ACADM: variants seen among roughly 807,000 people sequenced by gnomAD.
The protein encoded by ACADM is acyl-CoA dehydrogenase medium chain.
Under a neutral mutation model 58.9 loss-of-function variants are expected in ACADM, and 49 were observed. That is an observed-to-expected ratio of 0.83 (90% CI 0.66 to 1.06). ACADM has a LOEUF of 1.06. Among genes scored for constraint, ACADM ranks in the 50% least tolerant of loss-of-function variants. The pLI is 0.00. For missense variants in ACADM, 496 were observed against 507.0 expected (o/e 0.98, Z 0.21); for synonymous variants, 160 against 157.7 (o/e 1.01, Z -0.11).
chr1:75,744,570 G>C, intron 7 of ACADM: 1 of 1,420,668 alleles, frequency 7.0e-7, no homozygotes, highest in Non-Finnish European at 9.9e-7. Context: ...CTGTAACCAA[G>C]TCATACTTGC....
chr1:75,763,013 C>A lies in ACADM; in HGVS notation c.*250C>A, dbSNP rs975791592. On this transcript the variant is annotated 3_prime_UTR_variant, in exon 12 of 12. Transcript: ENST00000370841. Reference sequence around the variant, plus strand: ...TGAATTACATTAACCTAGAAAACTACATAGGTTATTTTGATCTCTTAAGAT... The same window carrying A: ...TGAATTACATTAACCTAGAAAACTAAATAGGTTATTTTGATCTCTTAAGAT... 1 of 301,584 alleles carries A rather than the reference C, an allele frequency of 3.3e-6. No individual in the cohort carries two copies. Among genetic ancestry groups the A allele is most frequent in the Non-Finnish European group, 6.2e-6 (1 of 161,276 alleles). 18.7% of individuals were successfully genotyped at this position (301,584 alleles called of 1,614,324 possible). A position where few individuals can be genotyped will look rare whatever the true frequency, so the allele number is the denominator to read the frequency against.
chr1:75,731,074 C>T (rs541585768), intron 2 of ACADM, among the ~76,000 whole-genome samples: 1 of 151,066 alleles, frequency 6.6e-6, no homozygotes, highest in Admixed American at 6.6e-5. Flanking sequence ...ATCACGAGGT[C>T]AGAAGATCGA....
chr1:75,735,841 CAA>C (rs11421630), intron 6 of ACADM, among the ~76,000 whole-genome samples: 7 of 133,402 alleles, frequency 5.2e-5, no homozygotes, highest in Admixed American at 7.6e-5. Context: ...GACTCTGTCT[CAA>C]AAAAAAAAAA....
Position 75,753,795 on chromosome 1 carries a change from C to CTTTTTTTTTTTTTTTTTTTTTTTTT in ACADM, c.945+3268_945+3269insTTTTTTTTTTTTTTTTTTTTTTTTT, listed in dbSNP as rs71071962. Among the ~76,000 whole-genome samples, 149 of 81,894 alleles carry CTTTTTTTTTTTTTTTTTTTTTTTTT rather than the reference C, an allele frequency of 1.8e-3. 28 individuals are homozygous for CTTTTTTTTTTTTTTTTTTTTTTTTT. Among genetic ancestry groups the CTTTTTTTTTTTTTTTTTTTTTTTTT allele is most frequent in the African/African-American group, 6.3e-3 (103 of 16,458 alleles). 53.7% of individuals were successfully genotyped at this position (81,894 alleles called of 152,430 possible). A position where few individuals can be genotyped will look rare whatever the true frequency, so the allele number is the denominator to read the frequency against. On this transcript the variant is annotated intron_variant, in intron 10 of 11. Transcript: ENST00000370841. Reference sequence around the variant, plus strand: ...GCACTCTGCAAAATGCTGATAGCTTCTTTTTTTTTTTTTTTTTTTGAGACA... The same window carrying CTTTTTTTTTTTTTTTTTTTTTTTTT: ...GCACTCTGCAAAATGCTGATAGCTTCTTTTTTTTTTTTTTTTTTTTTTTTTTTTTTTTTTTTTTTTTTTTGAGACA...
chr1:75,744,465 A>C, intron 7 of ACADM: 1 of 1,531,516 alleles, frequency 6.5e-7, no homozygotes, highest in South Asian at 1.1e-5. Context: ...TTTCAATCTC[A>C]CAAACCACTT....
At chr1:75,762,235 C>A (rs1013330308) in intron 11 of ACADM, among the ~76,000 whole-genome samples, 1 of 151,904 alleles carries the variant, frequency 6.6e-6, no homozygotes, top group African/African-American at 2.4e-5. Flanking sequence ...GAAATAAGGT[C>A]TGACTCTTGA....
intron 7 of ACADM, chr1:75,745,531 A>G (rs995245102): frequency 3.4e-6 from 1 of 295,186 alleles, no homozygotes; most frequent in African/African-American, 8.2e-5. Context: ...TCAAAATATC[A>G]TATATACTGT....
Position 75,745,838 on chromosome 1 carries a change from C to CT in ACADM, c.633dup (p.Lys212Ter). The stretch of plus-strand genomic sequence containing the variant: ...TTATTGGCACGTTCTGATCCAGATC[C>CT]TAAAGCTCCTGCTAATAAAGCCTTT... On this transcript the variant is annotated frameshift_variant, in exon 8 of 12. Coordinates refer to ENST00000370841, the MANE Select transcript of ACADM (RefSeq NM_000016.6). LOFTEE classifies it high-confidence loss of function. 1.2e-6 allele frequency: 2 copies of CT among 1,613,900 alleles called. No individual in the cohort carries two copies. Among genetic ancestry groups the CT allele is most frequent in the Non-Finnish European group, 1.7e-6 (2 of 1,179,906 alleles).
In ACADM at chr1:75,733,563, A is replaced by G. The variant is rs769832259; in HGVS notation, c.322A>G (p.Ile108Val). ...LGLGTFDACL[I>V]SEELAYGCTG... ...ACTTGGAACTTTTGATGCTTGTTTA[A>G]TTAGTGAAGAATTGGCTTATGGATG... The change falls in exon 5 of 12, where the codon ATT (isoleucine) becomes GTT (valine). Residue 108 changes from isoleucine (I) to valine (V), a missense_variant. Ile to Val is a conservative substitution (Grantham distance 29, BLOSUM62 3). Coordinates refer to ENST00000370841, the MANE Select transcript of ACADM (RefSeq NM_000016.6). 1.1e-5 allele frequency: 17 copies of G among 1,613,994 alleles called. No individual in the cohort carries two copies. Among genetic ancestry groups the G allele is most frequent in the Non-Finnish European group, 4.2e-6 (5 of 1,179,988 alleles).
At chr1:75,746,624 C>T (rs1647919343) in intron 8 of ACADM, among the ~76,000 whole-genome samples, 1 of 142,722 alleles carries the variant, frequency 7.0e-6, no homozygotes. Flanking sequence ...TTTGAGACAG[C>T]GTCTCGCTCT....
At chr1:75,744,933 A>C (rs1647808000) in intron 7 of ACADM, among the ~76,000 whole-genome samples, 1 of 152,176 alleles carries the variant, frequency 6.6e-6, no homozygotes. Context: ...TAATAATAAT[A>C]CTATACCAGG....
chr1:75,760,544 CAAAAAAAAAAAAAAAAAAA>C (rs59063908), intron 10 of ACADM, among the ~76,000 whole-genome samples: 36 of 35,490 alleles, frequency 1.0e-3, no homozygotes, highest in Middle Eastern at 0.038. Context: ...GACCCTGTCT[CAAAAAAAAAAAAAAAAAAA>C]AAAAAAAAAA....
At chr1:75,728,103 G>A (rs1647084279) in intron 1 of ACADM, among the ~76,000 whole-genome samples, 1 of 152,012 alleles carries the variant, frequency 6.6e-6, no homozygotes, top group Admixed American at 6.6e-5. Flanking sequence ...CCAGAATAGT[G>A]GTCCTACATC....
chr1:75,752,728 A>AT (rs1405641826), intron 10 of ACADM, among the ~76,000 whole-genome samples: 4 of 151,846 alleles, frequency 2.6e-5, no homozygotes, highest in Non-Finnish European at 5.9e-5. Context: ...TCAATTTCAG[A>AT]TTTTTTTGTT....
chr1:75,741,782 G>T lies in ACADM; in HGVS notation c.599+1672G>T, dbSNP rs796955947. On this transcript the variant is annotated intron_variant, in intron 7 of 11. Coordinates refer to ENST00000370841, the MANE Select transcript of ACADM (RefSeq NM_000016.6). ...AGAAAATAAGTTTGTGTTGTTTAGG[G>T]AAGAATATACCTTTTTAAAAGAATT... Among the ~76,000 whole-genome samples the T allele has an allele frequency of 4.7e-4, 71 of 152,292 alleles. 1 individual carries two copies. Among genetic ancestry groups the T allele is most frequent in the African/African-American group, 1.6e-3 (66 of 41,564 alleles).
At chr1:75,750,987 TC>T in intron 10 of ACADM, 1 of 252,004 alleles carries the variant, frequency 4.0e-6, no homozygotes, top group Non-Finnish European at 7.8e-6. Context: ...CGCCTCAGCC[TC>T]CCATAGTGCT....
At chr1:75,725,376 C>T (rs1647035928) in intron 1 of ACADM, among the ~76,000 whole-genome samples, 1 of 152,108 alleles carries the variant, frequency 6.6e-6, no homozygotes, top group Non-Finnish European at 1.5e-5. Context: ...TTGATATGTT[C>T]ACACCACTGC....
chr1:75,732,587 C>T, intron 2 of ACADM, 57 bp from the exon 3 acceptor site: 1 of 1,322,830 alleles, frequency 7.6e-7, no homozygotes, highest in East Asian at 2.3e-5. Flanking sequence ...ATACTGACTT[C>T]ATAGGACATT....
intron 10 of ACADM, among the ~76,000 whole-genome samples, chr1:75,757,956 A>G (rs1227806539): frequency 6.9e-6 from 1 of 145,746 alleles, no homozygotes; most frequent in Non-Finnish European, 1.5e-5. Context: ...TGGGGTTCCC[A>G]TGACCTCATC....
Sources: gnomAD v4.1 joint callset for allele counts (sites outside exome capture counted in the v4.1 genomes callset) on GRCh38, gnomAD v4.1.1 for gene constraint, MANE v1.5 for transcripts, NCBI Gene and HGNC (gene_info 2026-07-23, HGNC 2026-07-21) for gene names.